Variants in SPTBN2 observed in about 807,000 individuals in gnomAD.
The protein encoded by SPTBN2 is spectrin beta, non-erythrocytic 2.
A neutral mutation model predicts 284.2 loss-of-function variants in SPTBN2; 107 were observed. The observed-to-expected ratio is 0.38, with a 90% CI of 0.32 to 0.44. The LOEUF is 0.44. SPTBN2 is among the 20% of genes least tolerant of loss of function. The pLI, the probability that SPTBN2 is intolerant of heterozygous loss-of-function variation, is 1.00. For missense variants in SPTBN2, 2,569 were observed against 3,287.1 expected (o/e 0.78, Z 5.34); for synonymous variants, 1,289 against 1,354.8 (o/e 0.95, Z 1.07).
At chr11:66,713,604 C>T (rs377663276) in intron 8 of SPTBN2, 27 bp downstream of exon 8, 29 of 1,592,568 alleles carry the variant, frequency 1.8e-5, no homozygotes, top group Non-Finnish European at 2.5e-5. Flanking sequence ...ACCCTACCAC[C>T]TCTTTTTCAC....
At chr11:66,739,524 G>A (rs577076439) in intron 1 of SPTBN2, among the ~76,000 whole-genome samples, 1 of 152,288 alleles carries the variant, frequency 6.6e-6, no homozygotes, top group South Asian at 2.1e-4. Flanking sequence ...CTTTAATGAG[G>A]CTGCTGGAAG....
At chr11:66,732,593 T>C (rs1942821067), upstream of SPTBN2, among the ~76,000 whole-genome samples, 1 of 134,434 alleles carries the variant, frequency 7.4e-6, no homozygotes, top group African/African-American at 2.9e-5. Flanking sequence ...GAGGTTGCAG[T>C]GAGCTGAGAT....
rs913968578 is a variant in SPTBN2 at position 66,715,893 on chromosome 11, G to A, written c.246C>T (p.Tyr82=). 28 of 1,614,098 alleles carry A rather than the reference G, an allele frequency of 1.7e-5. No homozygotes were observed. Among genetic ancestry groups the A allele is most frequent in the Non-Finnish European group, 2.3e-5 (27 of 1,180,030 alleles). The part of the protein sequence containing the change: ...ARVTCRVGDL[Y]SDLRDGRNLL... ...GGTTGCGTCCGTCCCGGAGGTCGCT[G>A]TACAGGTCCCCCACCCGGCACGTGA... is the stretch of plus-strand genomic sequence containing the variant. Residue 82 remains tyrosine (Y), a synonymous_variant, in exon 4 of 38, where the codon TAC becomes TAT. Coordinates refer to ENST00000533211, the MANE Select transcript of SPTBN2 (RefSeq NM_006946.4). The surrounding 1 kb of genome is among the most constrained non-coding windows in gnomAD (Gnocchi z 5.3).
intron 15 of SPTBN2, among the ~76,000 whole-genome samples, chr11:66,703,474 T>C (rs557373765): frequency 1.3e-5 from 2 of 152,110 alleles, no homozygotes; most frequent in Admixed American, 1.3e-4. Flanking sequence ...GGCTCATGCC[T>C]GTAATCCCAG....
At chr11:66,744,266 T>C (rs901839245) in intron 1 of SPTBN2, among the ~76,000 whole-genome samples, 2 of 152,244 alleles carry the variant, frequency 1.3e-5, no homozygotes, top group African/African-American at 4.8e-5. Flanking sequence ...TATATGAAAT[T>C]CAATTTTAAT....
At chr11:66,701,779 C>A in intron 15 of SPTBN2, 58 bp from the exon 16 acceptor site, 1 of 1,612,262 alleles carries the variant, frequency 6.2e-7, no homozygotes, top group Non-Finnish European at 8.5e-7. Context: ...GCCCAGTCCA[C>A]CTAAGTCCAC....
chr11:66,734,167 T>C (rs1293191618), upstream of SPTBN2, among the ~76,000 whole-genome samples: 1 of 152,156 alleles, frequency 6.6e-6, no homozygotes, highest in Non-Finnish European at 1.5e-5. Context: ...GGTCCTTCTC[T>C]GTTTCTTTTG....
intron 16 of SPTBN2, 138 bp from the exon 17 acceptor site, chr11:66,701,420 C>A (rs1023468715): frequency 3.4e-6 from 5 of 1,482,584 alleles, no homozygotes; most frequent in Non-Finnish European, 3.7e-6. Flanking sequence ...ACCTTGACCC[C>A]CTCTCTCATC....
Position 66,721,434 on chromosome 11 carries a change from G to T in SPTBN2, c.-107C>A. 7.2e-6 allele frequency: 5 copies of T among 691,362 alleles called. No individual in the cohort carries two copies. Among genetic ancestry groups the T allele is most frequent in the Non-Finnish European group, 1.3e-5 (5 of 393,812 alleles). 42.8% of individuals were successfully genotyped at this position (691,362 alleles called of 1,614,324 possible). On this transcript the variant is annotated 5_prime_UTR_variant, in exon 2 of 38. Coordinates refer to ENST00000533211, the MANE Select transcript of SPTBN2 (RefSeq NM_006946.4). ...CCCAGGGGAAGAGGGGAAGCCACCT[G>T]GGAAGCCTGGGGACGGGAATACATC... is the stretch of plus-strand genomic sequence containing the variant.
chr11:66,720,355 G>A (rs1292703804), intron 3 of SPTBN2, among the ~76,000 whole-genome samples: 2 of 152,230 alleles, frequency 1.3e-5, no homozygotes, highest in East Asian at 3.9e-4. Context: ...GCCTTGGGGT[G>A]TGTGGGTGAG....
At position 66,717,226 on chromosome 11, in the gene SPTBN2, G is replaced by A. The variant is rs563892503; in HGVS notation, c.158-1245C>T. Among the ~76,000 whole-genome samples the A allele has an allele frequency of 2.2e-4, 34 of 151,874 alleles. No homozygotes were observed. The South Asian group carries it at 6.3e-3, about 28-fold the overall frequency. ...GGAGGGGAGCTACTGAAGAGGGGAA[G>A]TAAATACTAGGTTCCGTAGGAAAAT... On this transcript the variant is annotated intron_variant, in intron 3 of 37. Transcript: ENST00000533211.
Position 66,687,772 on chromosome 11 carries a change from C to A in SPTBN2, c.6501+96G>T. 6.3e-7 allele frequency: 1 copy of A among 1,590,350 alleles called. No homozygotes were observed. The highest frequency in any genetic ancestry group is 2.2e-5 in the East Asian group (1 of 44,742). On this transcript the variant is annotated intron_variant, in intron 34 of 37. Coordinates refer to ENST00000533211, the MANE Select transcript of SPTBN2 (RefSeq NM_006946.4). The surrounding 1 kb of genome is among the most constrained non-coding windows in gnomAD (Gnocchi z 5.2). ...AGCTGCCTGTGAGCCTCTGCCCTCT[C>A]CCATCCCATCCCCAGTACTCCCCCA...
In SPTBN2 at chr11:66,710,582, T is replaced by A; in HGVS notation, c.1073A>T (p.Lys358Met). The change falls in exon 10 of 38, where the codon AAG becomes ATG. Residue 358 changes from lysine to methionine, a missense_variant and splice_region_variant. Lys to Met is a moderately conservative substitution (Grantham distance 95). Coordinates refer to ENST00000533211, the MANE Select transcript of SPTBN2 (RefSeq NM_006946.4). This position sits in a 1 kb window ranked among gnomAD's most constrained non-coding sequence, Gnocchi z 4.9. ...NSYRTVEKPP[K>M]FTEKGNLEVL... ...AGGGTGGGGCCCCAGGGACACCTAC[T>A]TGGGCGGCTTCTCCACGGTGCGGTA... 6.2e-7 allele frequency: 1 copy of A among 1,613,474 alleles called. No homozygotes were observed. The highest frequency in any genetic ancestry group is 8.5e-7 in the Non-Finnish European group (1 of 1,179,806).
intron 1 of SPTBN2, among the ~76,000 whole-genome samples, chr11:66,723,836 C>T (rs1264087018): frequency 6.6e-6 from 1 of 152,184 alleles, no homozygotes; most frequent in East Asian, 1.9e-4. Context: ...TCACCTAATA[C>T]TCTCAGCTTC....
Position 66,707,496 on chromosome 11 carries a change from C to A in SPTBN2, c.1653+20G>T. 6.3e-7 allele frequency: 1 copy of A among 1,583,248 alleles called. No individual in the cohort carries two copies. Among genetic ancestry groups the A allele is most frequent in the Non-Finnish European group, 8.6e-7 (1 of 1,165,112 alleles). On this transcript the variant is annotated intron_variant, in intron 13 of 37. Transcript: ENST00000533211. The surrounding 1 kb of genome is among the most constrained non-coding windows in gnomAD (Gnocchi z 4.9). ...CGACTCTTGATCACTCTTACCCCAC[C>A]CAGCACGCCTCACTGGTACCTTCAT... is the stretch of plus-strand genomic sequence containing the variant.
chr11:66,738,573 T>C (rs1192954759), intron 1 of SPTBN2, among the ~76,000 whole-genome samples: 1 of 151,820 alleles, frequency 6.6e-6, no homozygotes, highest in Admixed American at 6.6e-5. Flanking sequence ...TGGAGTGCAG[T>C]GGTGTGATCT....
Position 66,687,676 on chromosome 11 carries a change from G to T in SPTBN2, c.6502-29C>A, listed in dbSNP as rs750958874. The T allele has an allele frequency of 1.3e-6, 2 of 1,575,884 alleles. No individual in the cohort carries two copies. Among genetic ancestry groups the T allele is most frequent in the Admixed American group, 3.5e-5 (2 of 56,396 alleles). On this transcript the variant is annotated intron_variant, in intron 34 of 37. Coordinates refer to ENST00000533211, the MANE Select transcript of SPTBN2 (RefSeq NM_006946.4). The surrounding 1 kb of genome is among the most constrained non-coding windows in gnomAD (Gnocchi z 5.2). ...GGGGGGAATCAGTGTCAGTGTCAAA[G>T]GTTGAGACGGGAGATCCCTAACCTG...
At chr11:66,728,432 C>T (rs1330755644) in intron 1 of SPTBN2, 1 of 150,252 alleles carries the variant, frequency 6.7e-6, no homozygotes, top group Non-Finnish European at 1.5e-5. Flanking sequence ...CGCAGGCCGC[C>T]GGCTCCCGCG....
chr11:66,687,407 A>T lies in SPTBN2; in HGVS notation c.6722+20T>A. ...CTCTGGGGAAGTGCCCTCTGAGAGCAGGCTCCAGAGAGGCTGTACCTGTTG... is the reference window on the plus strand; with the variant it reads ...CTCTGGGGAAGTGCCCTCTGAGAGCTGGCTCCAGAGAGGCTGTACCTGTTG... On this transcript the variant is annotated intron_variant, in intron 35 of 37. Transcript: ENST00000533211. This position sits in a 1 kb window ranked among gnomAD's most constrained non-coding sequence, Gnocchi z 5.2. 1.2e-6 allele frequency: 2 copies of T among 1,602,506 alleles called. No homozygotes were observed. The highest frequency in any genetic ancestry group is 1.7e-6 in the Non-Finnish European group (2 of 1,179,184).
Sources: gnomAD v4.1 joint callset for allele counts (sites outside exome capture counted in the v4.1 genomes callset) on GRCh38, gnomAD v4.1.1 for gene constraint, Gnocchi (gnomAD v3.1) non-coding constraint, MANE v1.5 for transcripts, NCBI Gene and HGNC (gene_info 2026-07-23, HGNC 2026-07-21) for gene names.